CIAO2A: variants seen among roughly 807,000 people sequenced by gnomAD.
CIAO2A encodes the protein MIP18 family protein FAM96A.
A neutral mutation model predicts 22.4 loss-of-function variants in CIAO2A; 17 were observed. That is an observed-to-expected ratio of 0.76 (90% confidence interval 0.52 to 1.14). CIAO2A has a LOEUF of 1.14. Ranked by LOEUF, CIAO2A falls within the 50% of genes most tolerant of loss-of-function variation. CIAO2A has a pLI of 0.00. For synonymous variants in CIAO2A, 74 were observed against 72.3 expected, an observed-to-expected ratio of 1.02 and a Z score of -0.12; for missense variants, 192 against 191.4, an observed-to-expected ratio of 1.00 and a Z score of -0.02.
At position 64,084,616 on chromosome 15, in the gene CIAO2A, A is replaced by G. The variant is rs563071242; in HGVS notation, c.290-3465T>C. Among the ~76,000 whole-genome samples the G allele has an allele frequency of 2.8e-3, 433 of 152,156 alleles. 4 individuals carry two copies. Among genetic ancestry groups the G allele is most frequent in the African/African-American group, 9.7e-3 (404 of 41,498 alleles). On this transcript the variant is annotated intron_variant, in intron 2 of 4. Transcript: ENST00000300030. ...GAAACCACATCTCTATTAAAAATAC[A>G]AAATTAGCCAGGTGTGGTGGTGCAT... is the stretch of plus-strand genomic sequence containing the variant.
intron 1 of CIAO2A, among the ~76,000 whole-genome samples, chr15:64,093,184 G>A (rs1056075358): frequency 6.6e-6 from 1 of 152,200 alleles, no homozygotes; most frequent in Non-Finnish European, 1.5e-5. Context: ...GAGTGGCTGT[G>A]ACCTTGGGCC....
At chr15:64,081,576 C>T (rs1165571841) in intron 2 of CIAO2A, among the ~76,000 whole-genome samples, 7 of 140,174 alleles carry the variant, frequency 5.0e-5, no homozygotes, top group Non-Finnish European at 7.6e-5. Flanking sequence ...CTTGAACTGT[C>T]GCCCAGGCTG....
At chr15:64,076,936 G>A (rs988140029) in intron 3 of CIAO2A, among the ~76,000 whole-genome samples, 4 of 151,888 alleles carry the variant, frequency 2.6e-5, no homozygotes, top group African/African-American at 9.7e-5. Context: ...GAATTCCTGA[G>A]GTTAAGTGAT....
rs1296260087 is a variant in CIAO2A, at chr15:64,093,663, T to C, written c.106A>G (p.Lys36Glu). The C allele has an allele frequency of 9.3e-6, 15 of 1,613,736 alleles. No homozygotes were observed. In the Middle Eastern group the frequency reaches 6.7e-4, roughly 72 times the overall value. ...AARQPRIMEE[K>E]ALEVYDLIRT... ...TAATTACCATAAACTTCTAGCGCTTTCTCTTCCATGATCCGGGGCTGCCGG... is the reference window on the plus strand; with the variant it reads ...TAATTACCATAAACTTCTAGCGCTTCCTCTTCCATGATCCGGGGCTGCCGG... The change falls in exon 1 of 5, where the codon AAA becomes GAA. Residue 36 changes from lysine to glutamate, a missense_variant. Coordinates refer to ENST00000300030, the MANE Select transcript of CIAO2A (RefSeq NM_032231.7).
At chr15:64,083,664 C>T (rs1454105235) in intron 2 of CIAO2A, among the ~76,000 whole-genome samples, 1 of 152,110 alleles carries the variant, frequency 6.6e-6, no homozygotes, top group Non-Finnish European at 1.5e-5. Context: ...ACCAATAGGC[C>T]GGGTGTGGCA....
chr15:64,084,062 A>G (rs1284205509), intron 2 of CIAO2A, among the ~76,000 whole-genome samples: 1 of 152,218 alleles, frequency 6.6e-6, no homozygotes, highest in African/African-American at 2.4e-5. Flanking sequence ...GATCTGAAAT[A>G]TCAACTATAA....
chr15:64,088,917 C>A (rs2080818634), intron 1 of CIAO2A, 66 bp from the exon 2 acceptor site: 1 of 1,481,740 alleles, frequency 6.7e-7, no homozygotes, highest in Non-Finnish European at 9.1e-7. Context: ...GATGATTTTG[C>A]CAGGCCTAAT....
At chr15:64,076,329 A>C (rs2080717121) in intron 3 of CIAO2A, among the ~76,000 whole-genome samples, 1 of 152,176 alleles carries the variant, frequency 6.6e-6, no homozygotes, top group African/African-American at 2.4e-5. Flanking sequence ...ACACACACCC[A>C]CATATCAGGG....
intron 4 of CIAO2A, chr15:64,074,959 A>G (rs1215780284): frequency 6.6e-6 from 1 of 152,204 alleles, no homozygotes; most frequent in Non-Finnish European, 1.5e-5. Flanking sequence ...AATGTAACAC[A>G]GGGATCATAC....
chr15:64,081,209 A>G (rs771824527), intron 2 of CIAO2A, 58 bp from the exon 3 acceptor site: 8 of 1,543,548 alleles, frequency 5.2e-6, no homozygotes, highest in Non-Finnish European at 7.1e-6. Flanking sequence ...TTGGTTCTTG[A>G]AAAAGCATAC....
chr15:64,086,911 G>A (rs1384832702), intron 2 of CIAO2A, among the ~76,000 whole-genome samples: 4 of 148,990 alleles, frequency 2.7e-5, no homozygotes, highest in Non-Finnish European at 6.0e-5. Flanking sequence ...CCATGCCAAT[G>A]GGAATTTTTT....
intron 1 of CIAO2A, among the ~76,000 whole-genome samples, chr15:64,092,763 T>C (rs1375272949): frequency 6.6e-6 from 1 of 152,226 alleles, no homozygotes; most frequent in African/African-American, 2.4e-5. Context: ...TGGCCTATAA[T>C]CCTTACTTGA....
At chr15:64,085,293 G>C (rs1336960516) in intron 2 of CIAO2A, among the ~76,000 whole-genome samples, 1 of 152,078 alleles carries the variant, frequency 6.6e-6, no homozygotes, top group Non-Finnish European at 1.5e-5. Context: ...CCAGCACTTG[G>C]GGAGGCTGAG....
At chr15:64,092,602 C>T (rs116883080) in intron 1 of CIAO2A, among the ~76,000 whole-genome samples, 79 of 152,286 alleles carry the variant, frequency 5.2e-4, no homozygotes, top group Non-Finnish European at 4.0e-4. Flanking sequence ...GGACAGAGAT[C>T]TGGCAGGACA....
intron 4 of CIAO2A, chr15:64,074,385 G>A (rs2080700381): frequency 6.6e-6 from 1 of 152,132 alleles, no homozygotes; most frequent in African/African-American, 2.4e-5. Flanking sequence ...ACACATAGAA[G>A]GCACTTAATA....
chr15:64,076,375 T>C (rs2080717398), intron 3 of CIAO2A, among the ~76,000 whole-genome samples: 1 of 152,152 alleles, frequency 6.6e-6, no homozygotes. Context: ...TTTACAAAAA[T>C]GGGATCACAA....
chr15:64,093,737 G>C lies in CIAO2A; in HGVS notation c.32C>G (p.Thr11Arg). 6.2e-7 allele frequency: 1 copy of C among 1,613,492 alleles called. No homozygotes were observed. The highest frequency in any genetic ancestry group is 8.5e-7 in the Non-Finnish European group (1 of 1,179,462). The change falls in exon 1 of 5, where the codon ACG becomes AGG. Residue 11 changes from threonine to arginine, a missense_variant. Transcript: ENST00000300030. Reference sequence around the variant, plus strand: ...GGAGAGCCACAGGACTCTGCTCAGCGTCCAGGAGAGCAGCCCGGACACCCG... The same window carrying C: ...GGAGAGCCACAGGACTCTGCTCAGCCTCCAGGAGAGCAGCCCGGACACCCG... MQRVSGLLSW[T>R]LSRVLWLSGL...
chr15:64,093,072 ATG>A (rs1432539266), intron 1 of CIAO2A, among the ~76,000 whole-genome samples: 11 of 152,090 alleles, frequency 7.2e-5, no homozygotes, highest in Admixed American at 5.9e-4. Flanking sequence ...AAGAGTGTGT[ATG>A]TGTGTGTGTG....
chr15:64,083,755 T>C (rs2080773282), intron 2 of CIAO2A, among the ~76,000 whole-genome samples: 1 of 151,808 alleles, frequency 6.6e-6, no homozygotes, highest in Non-Finnish European at 1.5e-5. Context: ...CTAGCCTGGG[T>C]AACATGGAGA....
Sources: gnomAD v4.1 joint callset for allele counts (sites outside exome capture counted in the v4.1 genomes callset) on GRCh38, gnomAD v4.1.1 for gene constraint, MANE v1.5 for transcripts, NCBI Gene and HGNC (gene_info 2026-07-23, HGNC 2026-07-21) for gene names.